VAV3: variants seen among roughly 807,000 people sequenced by gnomAD.
VAV3 encodes guanine nucleotide exchange factor VAV3.
Under a neutral mutation model 131.2 loss-of-function variants are expected in VAV3, and 94 were observed. That is an observed-to-expected ratio of 0.72 (90% CI 0.61 to 0.85). The LOEUF (loss-of-function observed/expected upper bound fraction) is 0.85, where lower values mean the gene tolerates loss of function less well. Among genes scored for constraint, VAV3 ranks in the 40% least tolerant of loss-of-function variants. VAV3 has a pLI of 0.00. For synonymous variants in VAV3, 349 were observed against 342.0 expected, an observed-to-expected ratio of 1.02 and a Z score of -0.22; for missense variants, 939 against 1,002.7, an observed-to-expected ratio of 0.94 and a Z score of 0.86.
Position 107,890,255 on chromosome 1 carries a change from T to C in VAV3, c.205-15238A>G, listed in dbSNP as rs146536056. On this transcript the variant is annotated intron_variant, in intron 1 of 26. Transcript: ENST00000370056. ...CATATATCATATATATTGTTATCTG[T>C]ATGTTTACACATACAAACATATGTA... Among the ~76,000 whole-genome samples, 266 of 152,306 alleles carry C rather than the reference T, an allele frequency of 1.7e-3. 1 individual carries two copies. Among genetic ancestry groups the C allele is most frequent in the Middle Eastern group, 0.01 (3 of 294 alleles).
intron 20 of VAV3, among the ~76,000 whole-genome samples, chr1:107,625,900 C>T (rs1239193611): frequency 6.6e-6 from 1 of 152,106 alleles, no homozygotes; most frequent in Admixed American, 6.6e-5. Context: ...GTGATTGACA[C>T]AAACTTTTAG....
intron 2 of VAV3, among the ~76,000 whole-genome samples, chr1:107,828,292 CT>C (rs1044989514): frequency 3.3e-5 from 5 of 152,134 alleles, no homozygotes; most frequent in Non-Finnish European, 7.4e-5. Flanking sequence ...ATAAAGGGCA[CT>C]TACCACCTGA....
At chr1:107,795,651 G>A (rs1666502897) in intron 2 of VAV3, among the ~76,000 whole-genome samples, 1 of 152,178 alleles carries the variant, frequency 6.6e-6, no homozygotes, top group Non-Finnish European at 1.5e-5. Flanking sequence ...AATCAAGAGG[G>A]AAAACCCCCT....
chr1:107,638,064 T>A (rs1318131304), intron 20 of VAV3, among the ~76,000 whole-genome samples: 1 of 152,224 alleles, frequency 6.6e-6, no homozygotes, highest in African/African-American at 2.4e-5. Context: ...TGTCCTCAAC[T>A]TAATGAAGGG....
intron 19 of VAV3, among the ~76,000 whole-genome samples, chr1:107,679,948 C>T (rs1360144587): frequency 6.6e-6 from 1 of 152,032 alleles, no homozygotes; most frequent in Non-Finnish European, 1.5e-5. Context: ...TAATACATTA[C>T]TATATTTATA....
At chr1:107,659,278 A>AG (rs998234395) in intron 19 of VAV3, among the ~76,000 whole-genome samples, 3 of 152,080 alleles carry the variant, frequency 2.0e-5, no homozygotes, top group Non-Finnish European at 4.4e-5. Flanking sequence ...ACCATCTTTC[A>AG]GAAAAAAAAA....
chr1:107,797,622 T>C (rs1666610082), intron 2 of VAV3, among the ~76,000 whole-genome samples: 1 of 152,222 alleles, frequency 6.6e-6, no homozygotes, highest in South Asian at 2.1e-4. Context: ...ATGGGTTATG[T>C]AGACAATGGT....
intron 2 of VAV3, among the ~76,000 whole-genome samples, chr1:107,782,276 A>G (rs1418571425): frequency 1.3e-5 from 2 of 152,168 alleles, no homozygotes; most frequent in Non-Finnish European, 2.9e-5. Context: ...TATCTACAAA[A>G]TCAGAATGCA....
At chr1:107,787,205 T>C (rs1453662831) in intron 2 of VAV3, among the ~76,000 whole-genome samples, 2 of 152,160 alleles carry the variant, frequency 1.3e-5, no homozygotes, top group African/African-American at 4.8e-5. Context: ...TCTGTCCTGG[T>C]TATTGCTCTT....
intron 24 of VAV3, among the ~76,000 whole-genome samples, chr1:107,597,578 T>A (rs1389000819): frequency 2.0e-5 from 3 of 152,176 alleles, no homozygotes; most frequent in Non-Finnish European, 4.4e-5. Context: ...GTAATACAAG[T>A]AGCTTGGCTT....
Position 107,642,491 on chromosome 1 carries a change from T to A in VAV3, c.1914+128A>T, listed in dbSNP as rs1655415585. The A allele has an allele frequency of 2.7e-6, 3 of 1,096,294 alleles. No individual in the cohort carries two copies. In the Admixed American group the frequency reaches 8.7e-5, roughly 32 times the overall value. The allele number at this position is 1,096,294 out of a possible 1,614,324, so 67.9% of individuals were successfully genotyped here. A position where few individuals can be genotyped will look rare whatever the true frequency, so the allele number is the denominator to read the frequency against. ...GTCTATGGAGTAGCCATTCTTTTAT[T>A]CCTTTACTTTCTTAATCAACTTGCT... On this transcript the variant is annotated intron_variant, in intron 20 of 26. Coordinates refer to ENST00000370056, the MANE Select transcript of VAV3 (RefSeq NM_006113.5).
intron 19 of VAV3, among the ~76,000 whole-genome samples, chr1:107,668,372 T>A (rs769973973): frequency 6.6e-6 from 1 of 152,236 alleles, no homozygotes; most frequent in Admixed American, 6.5e-5. Context: ...TTTCAGCGTT[T>A]ATTACTTACA....
At chr1:107,836,076 A>G (rs1227454526) in intron 2 of VAV3, among the ~76,000 whole-genome samples, 7 of 152,242 alleles carry the variant, frequency 4.6e-5, no homozygotes, top group Non-Finnish European at 1.0e-4. Context: ...GCACAAAATA[A>G]TAGTGAAAGA....
chr1:107,780,083 G>C (rs1665609104), intron 2 of VAV3, among the ~76,000 whole-genome samples: 1 of 152,158 alleles, frequency 6.6e-6, no homozygotes, highest in African/African-American at 2.4e-5. Flanking sequence ...CAGACCACCT[G>C]AGTCTAAATC....
At chr1:107,736,878 A>G (rs1380860471) in intron 15 of VAV3, among the ~76,000 whole-genome samples, 4 of 152,208 alleles carry the variant, frequency 2.6e-5, no homozygotes, top group Non-Finnish European at 5.9e-5. Context: ...TGGAAACAAA[A>G]AAGAGCCCGC....
At chr1:107,866,062 C>A (rs183540928) in intron 2 of VAV3, among the ~76,000 whole-genome samples, 1 of 152,232 alleles carries the variant, frequency 6.6e-6, no homozygotes, top group Admixed American at 6.5e-5. Context: ...GGCTTGCAGG[C>A]AACCCACCCT....
At chr1:107,757,236 C>T (rs1664161875) in intron 11 of VAV3, 25 bp downstream of exon 11, 1 of 1,598,768 alleles carries the variant, frequency 6.3e-7, no homozygotes, top group Non-Finnish European at 8.5e-7. Flanking sequence ...AAAATACAAA[C>T]AAATTACTGA....
intron 2 of VAV3, among the ~76,000 whole-genome samples, chr1:107,856,988 A>G (rs377135527): frequency 2.1e-4 from 32 of 152,312 alleles, no homozygotes; most frequent in African/African-American, 7.2e-4. Context: ...ACAGTGAGTT[A>G]GGATTGCACC....
intron 5 of VAV3, among the ~76,000 whole-genome samples, chr1:107,772,520 G>A (rs920001958): frequency 4.6e-5 from 7 of 151,868 alleles, no homozygotes; most frequent in Admixed American, 1.3e-4. Context: ...CCTTACTAGC[G>A]AAATGAAAAG....
Sources: allele counts gnomAD v4.1 joint callset (sites outside exome capture counted in the v4.1 genomes callset), GRCh38; gene constraint gnomAD v4.1.1; transcripts MANE v1.5; gene names NCBI Gene and HGNC (gene_info 2026-07-23, HGNC 2026-07-21).